Variants in MEX3C observed in about 807,000 individuals in gnomAD.
MEX3C encodes RNA-binding E3 ubiquitin-protein ligase MEX3C.
In MEX3C, 15 loss-of-function variants were observed where a neutral mutation model predicts 35.5. The ratio of observed to expected loss-of-function variants is 0.42; its 90% CI spans 0.28 to 0.65. The LOEUF is 0.65. Among genes scored for constraint, MEX3C ranks in the 30% least tolerant of loss-of-function variants. The pLI, the probability that MEX3C is intolerant of heterozygous loss-of-function variation, is 0.20. For missense variants in MEX3C, 711 were observed against 842.8 expected (o/e 0.84, Z 1.94); for synonymous variants, 390 against 352.8 (o/e 1.11, Z -1.18).
rs200287690 is a variant in MEX3C at position 51,178,860 on chromosome 18, C to CAA, written c.755-1286_755-1285dup. 1.4e-3 allele frequency among the ~76,000 whole-genome samples: 160 copies of CAA among 111,486 alleles called. 1 individual carries two copies. Among genetic ancestry groups the CAA allele is most frequent in the African/African-American group, 4.6e-3 (141 of 30,804 alleles). 73.1% of individuals were successfully genotyped at this position (111,486 alleles called of 152,430 possible). The stretch of plus-strand genomic sequence containing the variant: ...GGGCAACAAGAGTGAAACTCCATCT[C>CAA]AAAAAAAAAAAAACCAAACAAACAA... On this transcript the variant is annotated intron_variant, in intron 1 of 1. Transcript: ENST00000406189.
At chr18:51,187,475 A>G (rs1397929031) in intron 1 of MEX3C, among the ~76,000 whole-genome samples, 4 of 152,226 alleles carry the variant, frequency 2.6e-5, no homozygotes, top group Non-Finnish European at 5.9e-5. Context: ...TGTTTTTTGC[A>G]AAGATTAAAT....
chr18:51,187,762 G>C (rs1034028753), intron 1 of MEX3C, among the ~76,000 whole-genome samples: 2 of 152,084 alleles, frequency 1.3e-5, no homozygotes, highest in African/African-American at 4.8e-5. Context: ...CACGTTTCAT[G>C]ATATATAAGA....
At chr18:51,195,484 T>C (rs141262723) in intron 1 of MEX3C, 1 of 152,370 alleles carries the variant, frequency 6.6e-6, no homozygotes, top group African/African-American at 2.4e-5. Flanking sequence ...ATGTGTACTT[T>C]AGACCACCTG....
Position 51,194,193 on chromosome 18 carries a change from T to C in MEX3C, c.754+2374A>G, listed in dbSNP as rs1370430030. On this transcript the variant is annotated intron_variant, in intron 1 of 1. Coordinates refer to ENST00000406189, the MANE Select transcript of MEX3C (RefSeq NM_016626.5). ...AGCAAACACTTTACAGGTTTATTAC[T>C]ATGCTGCTGGGACATGGGGGTGGCA... 5.9e-5 allele frequency: 9 copies of C among 152,268 alleles called. No homozygotes were observed. The East Asian group carries it at 1.7e-3, about 29-fold the overall frequency. The allele number at this position is 152,268 out of a possible 1,614,324, so 9.4% of individuals were successfully genotyped here.
Position 51,177,598 on chromosome 18 carries a change from A to AT in MEX3C, c.755-23dup. On this transcript the variant is annotated intron_variant, in intron 1 of 1. Coordinates refer to ENST00000406189, the MANE Select transcript of MEX3C (RefSeq NM_016626.5). The surrounding 1 kb of genome is among the most constrained non-coding windows in gnomAD (Gnocchi z 4.2). ...CAACCTGTTAGAAAGAAAACATTTCATAAGAATCAACATCTACTTCAATGA... is the reference window on the plus strand; with the variant it reads ...CAACCTGTTAGAAAGAAAACATTTCATTAAGAATCAACATCTACTTCAATGA... The AT allele has an allele frequency of 6.4e-7, 1 of 1,559,818 alleles. No individual in the cohort carries two copies. The highest frequency in any genetic ancestry group is 8.6e-7 in the Non-Finnish European group (1 of 1,158,012).
chr18:51,188,699 G>C (rs867598932), intron 1 of MEX3C, among the ~76,000 whole-genome samples: 1 of 151,874 alleles, frequency 6.6e-6, no homozygotes, highest in Non-Finnish European at 1.5e-5. Context: ...ACAATAAAAT[G>C]GCAAGTTTAT....
intron 1 of MEX3C, chr18:51,193,704 G>A (rs1013661265): frequency 9.2e-5 from 14 of 152,106 alleles, no homozygotes; most frequent in African/African-American, 2.9e-4. Context: ...AAAAAACAAG[G>A]CCAATTTAAC....
At position 51,177,283 on chromosome 18, in the gene MEX3C, T is replaced by C; in HGVS notation, c.1048A>G (p.Lys350Glu). 1 of 1,614,004 alleles carries C rather than the reference T, an allele frequency of 6.2e-7. No individual in the cohort carries two copies. The highest frequency in any genetic ancestry group is 8.5e-7 in the Non-Finnish European group (1 of 1,179,894). Residue 350 changes from lysine (K) to glutamate (E), a missense_variant, in exon 2 of 2, where the codon AAA (lysine) becomes GAA (glutamate). Around this residue, in one of 4 missense-constraint regions of MEX3C, gnomAD observed 83 missense variants for 179.1 expected, o/e 0.46. Coordinates refer to ENST00000406189, the MANE Select transcript of MEX3C (RefSeq NM_016626.5). The surrounding 1 kb of genome is among the most constrained non-coding windows in gnomAD (Gnocchi z 4.2). ...LVVGPKGATI[K>E]RIQQQTHTYI... ...GTGTGGGTCTGCTGCTGAATTCTTT[T>C]AATAGTTGCTCCTTTGGGTCCAACC...
intron 1 of MEX3C, among the ~76,000 whole-genome samples, chr18:51,187,767 A>G (rs1053701084): frequency 1.5e-4 from 23 of 152,314 alleles, no homozygotes; most frequent in African/African-American, 4.8e-4. Flanking sequence ...TTCATGATAT[A>G]TAAGAATGAA....
chr18:51,193,074 G>A (rs1222231019), intron 1 of MEX3C: 2 of 152,048 alleles, frequency 1.3e-5, no homozygotes, highest in Non-Finnish European at 2.9e-5. Context: ...TAAGAAATTG[G>A]GAAGACAAAT....
intron 1 of MEX3C, among the ~76,000 whole-genome samples, chr18:51,190,317 G>A (rs1194973343): frequency 6.6e-6 from 1 of 152,162 alleles, no homozygotes; most frequent in Non-Finnish European, 1.5e-5. Context: ...GAGGCACAGA[G>A]AAGGGAAATA....
chr18:51,176,270 G>T lies in MEX3C; in HGVS notation c.*81C>A. On this transcript the variant is annotated 3_prime_UTR_variant, in exon 2 of 2. Coordinates refer to ENST00000406189, the MANE Select transcript of MEX3C (RefSeq NM_016626.5). ...TGATAACAGTCATAAGAAATCATTA[G>T]GAAGTTTACTGGGGGGTACCATTAT... is the stretch of plus-strand genomic sequence containing the variant. 7.7e-7 allele frequency: 1 copy of T among 1,302,786 alleles called. No individual in the cohort carries two copies. The highest frequency in any genetic ancestry group is 1.0e-6 in the Non-Finnish European group (1 of 964,676). The allele number at this position is 1,302,786 out of a possible 1,614,324, so 80.7% of individuals were successfully genotyped here. A position where few individuals can be genotyped will look rare whatever the true frequency, so the allele number is the denominator to read the frequency against.
In MEX3C at chr18:51,176,414, C is replaced by G. The variant is rs188363894; in HGVS notation, c.1917G>C (p.Lys639Asn). The change falls in exon 2 of 2, where the codon AAG becomes AAC. Residue 639 changes from lysine (K) to asparagine (N), a missense_variant. Transcript: ENST00000406189. ...GGCAAACTGGACATGATGGCGTTCTCTTTTCACAGATCTTGTTGGCACATT... is the reference window on the plus strand; with the variant it reads ...GGCAAACTGGACATGATGGCGTTCTGTTTTCACAGATCTTGTTGGCACATT... ...CMECANKICEKRTPSCPVCQT... is the reference protein window; with the variant it reads ...CMECANKICENRTPSCPVCQT... 6.2e-7 allele frequency: 1 copy of G among 1,614,002 alleles called. No homozygotes were observed. Among genetic ancestry groups the G allele is most frequent in the East Asian group, 2.2e-5 (1 of 44,886 alleles).
rs1912835197 is a variant in MEX3C at position 51,197,249 on chromosome 18, C to CGGT, written c.71_72insACC (p.Pro31dup). ...GCAGAGGCGGCGGTGGCGGCGGCGG[C>CGGT]GGCGGGGGCGGCTGCGGCAGGGGGG... On this transcript the variant is annotated inframe_insertion, in exon 1 of 2. Transcript: ENST00000406189. The CGGT allele has an allele frequency of 1.0e-6, 1 of 962,508 alleles. No individual in the cohort carries two copies. Among genetic ancestry groups the CGGT allele is most frequent in the Non-Finnish European group, 1.2e-6 (1 of 811,224 alleles). 59.6% of individuals were successfully genotyped at this position (962,508 alleles called of 1,614,324 possible).
At chr18:51,186,397 G>A (rs1473648250) in intron 1 of MEX3C, among the ~76,000 whole-genome samples, 1 of 152,216 alleles carries the variant, frequency 6.6e-6, no homozygotes, top group East Asian at 1.9e-4. Context: ...TGCCAGATGG[G>A]AAGGAGAGCA....
intron 1 of MEX3C, among the ~76,000 whole-genome samples, chr18:51,181,301 CACACAAACACACACAT>C (rs1286874913): frequency 1.4e-5 from 2 of 145,278 alleles, no homozygotes; most frequent in African/African-American, 4.9e-5. Flanking sequence ...TTCTTACACA[CACACAAACACACACAT>C]ACACGCATGC....
Position 51,177,612 on chromosome 18 carries a change from C to T in MEX3C, c.755-36G>A, listed in dbSNP as rs1311936716. 6.5e-7 allele frequency: 1 copy of T among 1,543,538 alleles called. No homozygotes were observed. The highest frequency in any genetic ancestry group is 1.4e-5 in the African/African-American group (1 of 72,462). On this transcript the variant is annotated intron_variant, in intron 1 of 1. Coordinates refer to ENST00000406189, the MANE Select transcript of MEX3C (RefSeq NM_016626.5). The surrounding 1 kb of genome is among the most constrained non-coding windows in gnomAD (Gnocchi z 4.2). ...GAAAACATTTCATAAGAATCAACAT[C>T]TACTTCAATGATATATATAAAGACA...
Position 51,197,087 on chromosome 18 carries a change from CT to C in MEX3C, c.233del (p.Gln78ArgfsTer119). Reference sequence around the variant, plus strand: ...GCTCCGCCGCCCGCCGGGCCTGGCCCTGCGCCGCCGCTGCCGGGGCCCGAAG... The same window carrying C: ...GCTCCGCCGCCCGCCGGGCCTGGCCCGCGCCGCCGCTGCCGGGGCCCGAAG... ...PALRAPAAAA[Q>X]GQARRAAELS... On this transcript the variant is annotated frameshift_variant, in exon 1 of 2. Transcript: ENST00000406189. LOFTEE classifies it high-confidence loss of function. The C allele has an allele frequency of 8.2e-7, 1 of 1,221,458 alleles. No individual in the cohort carries two copies. The highest frequency in any genetic ancestry group is 1.0e-6 in the Non-Finnish European group (1 of 983,662). 75.7% of individuals were successfully genotyped at this position (1,221,458 alleles called of 1,614,324 possible). A position where few individuals can be genotyped will look rare whatever the true frequency, so the allele number is the denominator to read the frequency against.
At chr18:51,195,575 G>A (rs1177106082) in intron 1 of MEX3C, 2 of 152,284 alleles carry the variant, frequency 1.3e-5, no homozygotes, top group East Asian at 1.9e-4. Context: ...TAACAGTAAA[G>A]AGGCATGCAA....
Sources: gnomAD v4.1 joint callset for allele counts (sites outside exome capture counted in the v4.1 genomes callset) on GRCh38, gnomAD v4.1.1 for gene constraint, gnomAD v4.1.1 regional missense constraint, Gnocchi (gnomAD v3.1) non-coding constraint, MANE v1.5 for transcripts, NCBI Gene and HGNC (gene_info 2026-07-23, HGNC 2026-07-21) for gene names.